The following TNFRSF10A variants were observed in gnomAD, a reference collection of about 807,000 sequenced individuals.
TNFRSF10A encodes the protein tumor necrosis factor receptor superfamily member 10A.
A neutral mutation model predicts 42.8 loss-of-function variants in TNFRSF10A; 44 were observed. The observed-to-expected ratio is 1.03, with a 90% CI of 0.81 to 1.32. The LOEUF (loss-of-function observed/expected upper bound fraction) is 1.32. Among genes scored for constraint, TNFRSF10A ranks in the 40% most tolerant of loss-of-function variants. TNFRSF10A has a pLI of 0.00. For synonymous variants in TNFRSF10A, 259 were observed against 234.2 expected (o/e 1.11, Z -0.97); for missense variants, 680 against 602.0 (o/e 1.13, Z -1.36).
intron 2 of TNFRSF10A, among the ~76,000 whole-genome samples, chr8:23,203,272 C>T (rs1310572895): frequency 6.6e-6 from 1 of 152,144 alleles, no homozygotes; most frequent in Admixed American, 6.5e-5. Context: ...AGTCCTAATC[C>T]CTGCCCTCAG....
intron 1 of TNFRSF10A, among the ~76,000 whole-genome samples, chr8:23,213,795 T>C (rs1801134546): frequency 6.6e-6 from 1 of 152,190 alleles, no homozygotes; most frequent in Non-Finnish European, 1.5e-5. Context: ...TGTTCATTTA[T>C]TTCTTCTTTT....
intron 1 of TNFRSF10A, among the ~76,000 whole-genome samples, chr8:23,218,660 A>G (rs1382515074): frequency 3.1e-4 from 47 of 151,968 alleles, no homozygotes; most frequent in Admixed American, 3.1e-3. Context: ...CCCAGCAGTG[A>G]CCCAGCGCTG....
At chr8:23,219,487 C>T (rs1024706488) in intron 1 of TNFRSF10A, among the ~76,000 whole-genome samples, 8 of 151,836 alleles carry the variant, frequency 5.3e-5, no homozygotes, top group African/African-American at 1.9e-4. Context: ...AGCCAAAACA[C>T]GGCTGCTATT....
At chr8:23,208,525 C>T (rs879272783) in intron 2 of TNFRSF10A, among the ~76,000 whole-genome samples, 3 of 152,230 alleles carry the variant, frequency 2.0e-5, no homozygotes, top group Non-Finnish European at 2.9e-5. Context: ...GGCATGATCT[C>T]GGCTCACTGC....
chr8:23,201,161 G>A (rs1585281354), intron 4 of TNFRSF10A, among the ~76,000 whole-genome samples: 1 of 152,220 alleles, frequency 6.6e-6, no homozygotes, highest in African/African-American at 2.4e-5. Flanking sequence ...CCACCTGTCT[G>A]CTGGTTCCTC....
chr8:23,216,689 C>G (rs1383327810), intron 1 of TNFRSF10A, among the ~76,000 whole-genome samples: 1 of 151,730 alleles, frequency 6.6e-6, no homozygotes, highest in East Asian at 1.9e-4. Flanking sequence ...TTGCAGTGAA[C>G]CGGGATCACG....
At position 23,201,888 on chromosome 8, in the gene TNFRSF10A, G is replaced by T; in HGVS notation, c.549C>A (p.Thr183=). The T allele has an allele frequency of 1.9e-6, 3 of 1,614,174 alleles. No homozygotes were observed. Among genetic ancestry groups the T allele is most frequent in the Non-Finnish European group, 2.5e-6 (3 of 1,180,020 alleles). Residue 183 remains threonine (T), a synonymous_variant, in exon 4 of 10, where the codon ACC becomes ACA. Coordinates refer to ENST00000221132, the MANE Select transcript of TNFRSF10A (RefSeq NM_003844.4). The part of the protein sequence containing the change: ...DEEERSPCTT[T]RNTACQCKPG... ...GTTTGCACTGACATGCTGTGTTCCT[G>T]GTCGTGGTGCAGGGACTTCTCTCTT...
intron 2 of TNFRSF10A, among the ~76,000 whole-genome samples, chr8:23,209,455 C>G (rs1015473553): frequency 2.6e-5 from 4 of 152,216 alleles, no homozygotes; most frequent in Non-Finnish European, 5.9e-5. Flanking sequence ...TGCAGACACT[C>G]AACACCGGCA....
chr8:23,205,521 T>TA (rs1197190549), intron 2 of TNFRSF10A, among the ~76,000 whole-genome samples: 3 of 152,176 alleles, frequency 2.0e-5, no homozygotes, highest in Non-Finnish European at 4.4e-5. Context: ...TACTTACAAA[T>TA]AAAAAAGGTA....
intron 1 of TNFRSF10A, among the ~76,000 whole-genome samples, chr8:23,218,597 C>A (rs1801216017): frequency 6.6e-6 from 1 of 152,086 alleles, no homozygotes; most frequent in Non-Finnish European, 1.5e-5. Context: ...CTTCTCTAAA[C>A]ATGTCTATCA....
chr8:23,223,976 G>A (rs1259799461), intron 1 of TNFRSF10A, among the ~76,000 whole-genome samples: 2 of 152,236 alleles, frequency 1.3e-5, no homozygotes, highest in African/African-American at 4.8e-5. Context: ...AACGAGCAGA[G>A]GAGAGAAAGT....
chr8:23,215,661 A>C (rs776150723), intron 1 of TNFRSF10A, among the ~76,000 whole-genome samples: 1 of 152,202 alleles, frequency 6.6e-6, no homozygotes, highest in Non-Finnish European at 1.5e-5. Context: ...TTGTCTATTT[A>C]ATCCAAGTTG....
chr8:23,199,422 T>C lies in TNFRSF10A; in HGVS notation c.858A>G (p.Leu286=). ...CATTGTCCTCAGCCCCAGGCCCTCG[T>C]AGGAGACCCAAGCGCCAGAAACACA... is the stretch of plus-strand genomic sequence containing the variant. The part of the protein sequence containing the change: ...DRVCFWRLGL[L]RGPGAEDNAH... Residue 286 remains leucine, a synonymous_variant, in exon 8 of 10, where the codon CTA becomes CTG. Transcript: ENST00000221132. The C allele has an allele frequency of 6.2e-7, 1 of 1,612,752 alleles. No individual in the cohort carries two copies. Among genetic ancestry groups the C allele is most frequent in the Non-Finnish European group, 8.5e-7 (1 of 1,178,814 alleles).
At chr8:23,204,175 C>G (rs1444085734) in intron 2 of TNFRSF10A, among the ~76,000 whole-genome samples, 1 of 152,090 alleles carries the variant, frequency 6.6e-6, no homozygotes, top group Non-Finnish European at 1.5e-5. Flanking sequence ...AAGGTTACTG[C>G]TGAAAAATAA....
intron 9 of TNFRSF10A, among the ~76,000 whole-genome samples, chr8:23,193,046 C>A (rs1800777040): frequency 1.3e-5 from 2 of 152,160 alleles, no homozygotes; most frequent in African/African-American, 4.8e-5. Context: ...CTATATAAAC[C>A]CTTAGTTTTA....
chr8:23,218,543 T>C (rs1801215385), intron 1 of TNFRSF10A, among the ~76,000 whole-genome samples: 2 of 152,180 alleles, frequency 1.3e-5, no homozygotes, highest in African/African-American at 2.4e-5. Flanking sequence ...AAGCCATCTG[T>C]CTTGTAGTCT....
intron 2 of TNFRSF10A, among the ~76,000 whole-genome samples, chr8:23,204,773 A>G (rs1462132695): frequency 6.6e-6 from 1 of 152,154 alleles, no homozygotes; most frequent in East Asian, 1.9e-4. Flanking sequence ...TCACAGCTAT[A>G]TAAAAATTAA....
intron 6 of TNFRSF10A, 46 bp from the exon 7 acceptor site, chr8:23,199,963 C>T: frequency 3.7e-6 from 6 of 1,608,996 alleles, no homozygotes; most frequent in Non-Finnish European, 5.1e-6. Context: ...GGGGCCCATG[C>T]AGCACTCCTT....
intron 9 of TNFRSF10A, among the ~76,000 whole-genome samples, chr8:23,195,621 T>C (rs979565605): frequency 6.6e-5 from 10 of 152,228 alleles, no homozygotes; most frequent in Admixed American, 5.9e-4. Flanking sequence ...GGAGAGCCTA[T>C]GTGGACAGTG....
Sources: allele counts gnomAD v4.1 joint callset (sites outside exome capture counted in the v4.1 genomes callset), GRCh38; gene constraint gnomAD v4.1.1; transcripts MANE v1.5; gene names NCBI Gene and HGNC (gene_info 2026-07-23, HGNC 2026-07-21).